SLC37A1: variants seen among roughly 807,000 people sequenced by gnomAD.
SLC37A1 encodes solute carrier family 37 member 1.
Under a neutral mutation model 75.3 loss-of-function variants are expected in SLC37A1, and 49 were observed. The observed-to-expected ratio is 0.65, with a 90% CI of 0.52 to 0.83. SLC37A1 has a LOEUF of 0.83. SLC37A1 is among the 40% of genes least tolerant of loss of function. The probability of loss-of-function intolerance (pLI) is 0.00; values close to 1 mark genes in which losing one functional copy is unlikely to be tolerated. For synonymous variants in SLC37A1, 268 were observed against 292.1 expected (o/e 0.92, Z 0.84); for missense variants, 566 against 695.0 (o/e 0.81, Z 2.09).
chr21:42,502,506 T>C (rs909384923), intron 2 of SLC37A1: 1 of 152,250 alleles, frequency 6.6e-6, no homozygotes. Context: ...CTCGATTATT[T>C]GAGAAGATAA....
intron 10 of SLC37A1, among the ~76,000 whole-genome samples, chr21:42,556,580 G>C (rs1170947790): frequency 6.6e-6 from 1 of 152,232 alleles, no homozygotes; most frequent in Admixed American, 6.5e-5. Context: ...TTTTCTCTTT[G>C]AAAGTGTAAG....
intron 18 of SLC37A1, 55 bp downstream of exon 18, chr21:42,574,970 T>C: frequency 6.2e-7 from 1 of 1,608,012 alleles, no homozygotes; most frequent in Non-Finnish European, 8.5e-7. Context: ...TCTGTGGTTG[T>C]GTCCAAACAC....
intron 17 of SLC37A1, among the ~76,000 whole-genome samples, chr21:42,569,585 TATC>T (rs1038093296): frequency 1.1e-4 from 16 of 151,284 alleles, no homozygotes; most frequent in Middle Eastern, 3.4e-3. Context: ...TTTGCCCAGA[TATC>T]ATCCTCTCAG....
At chr21:42,551,450 G>GAAGAA (rs1256306904) in intron 9 of SLC37A1, among the ~76,000 whole-genome samples, 3 of 152,228 alleles carry the variant, frequency 2.0e-5, no homozygotes, top group African/African-American at 7.2e-5. Flanking sequence ...ACTAGGGTGG[G>GAAGAA]AAGAAAGGGG....
chr21:42,516,133 G>T (rs1337618471), intron 1 of SLC37A1, among the ~76,000 whole-genome samples: 1 of 152,158 alleles, frequency 6.6e-6, no homozygotes, highest in Non-Finnish European at 1.5e-5. Flanking sequence ...TAAGTTCCAG[G>T]GGGGCCTGTA....
Position 42,547,266 on chromosome 21 carries a change from AC to A in SLC37A1, c.768+127del. The A allele has an allele frequency of 1.0e-6, 1 of 995,874 alleles. No homozygotes were observed. Among genetic ancestry groups the A allele is most frequent in the South Asian group, 1.4e-5 (1 of 71,878 alleles). 61.7% of individuals were successfully genotyped at this position (995,874 alleles called of 1,614,324 possible). ...GGTAGACAGAAGTCCCACCCTCAAAACATTGGCAGTTCTAGGAATAGAGAAT... is the reference window on the plus strand; with the variant it reads ...GGTAGACAGAAGTCCCACCCTCAAAAATTGGCAGTTCTAGGAATAGAGAAT... On this transcript the variant is annotated intron_variant, in intron 9 of 19. Coordinates refer to ENST00000352133, the MANE Select transcript of SLC37A1 (RefSeq NM_001320537.2). The surrounding 1 kb of genome is among the most constrained non-coding windows in gnomAD (Gnocchi z 6.1).
chr21:42,573,208 G>C (rs1229470078), intron 17 of SLC37A1, among the ~76,000 whole-genome samples: 1 of 152,208 alleles, frequency 6.6e-6, no homozygotes, highest in East Asian at 1.9e-4. Context: ...GTGAGGATGA[G>C]AAAAGAGACC....
intron 3 of SLC37A1, among the ~76,000 whole-genome samples, chr21:42,530,597 C>T (rs1372649696): frequency 1.5e-4 from 3 of 19,782 alleles, no homozygotes; most frequent in African/African-American, 5.8e-4. Context: ...GCAGATGATA[C>T]ACACACACAC....
intron 17 of SLC37A1, among the ~76,000 whole-genome samples, chr21:42,573,969 A>G (rs79216143): frequency 1.5e-4 from 22 of 151,594 alleles, no homozygotes; most frequent in African/African-American, 5.1e-4. Flanking sequence ...TTGCAGAAAT[A>G]GTACAAAGAA....
chr21:42,557,207 C>G (rs2055713091), intron 10 of SLC37A1, among the ~76,000 whole-genome samples: 2 of 152,236 alleles, frequency 1.3e-5, no homozygotes, highest in African/African-American at 4.8e-5. Flanking sequence ...ACTGCTGAGC[C>G]TGTTTCCTGC....
intron 7 of SLC37A1, 56 bp from the exon 8 acceptor site, chr21:42,543,380 G>A (rs1008928673): frequency 1.5e-4 from 239 of 1,608,592 alleles, no homozygotes; most frequent in Non-Finnish European, 1.9e-4. Context: ...CTGCACTGCT[G>A]GACTCGTTTC....
chr21:42,528,685 C>G (rs943965309), intron 3 of SLC37A1, among the ~76,000 whole-genome samples: 1 of 152,098 alleles, frequency 6.6e-6, no homozygotes, highest in African/African-American at 2.4e-5. Context: ...AAAAATTAAC[C>G]AGGCATGGTG....
In SLC37A1 at chr21:42,559,033, G is replaced by C. The variant is rs757234787; in HGVS notation, c.925G>C (p.Gly309Arg). The change falls in exon 11 of 20, where the codon GGG (glycine) becomes CGG (arginine). Residue 309 changes from glycine to arginine, a missense_variant. By Grantham distance (125) the Gly-to-Arg change is moderately radical. Coordinates refer to ENST00000352133, the MANE Select transcript of SLC37A1 (RefSeq NM_001320537.2). ...IHPNHVVILP[G>R]DGGSGTAAIS... The stretch of plus-strand genomic sequence containing the variant: ...CCCGAACCACGTCGTCATTCTCCCC[G>C]GGGACGGTGGGAGTGGCACGGCCGC... 2 of 1,613,618 alleles carry C rather than the reference G, an allele frequency of 1.2e-6. No individual in the cohort carries two copies. The highest frequency in any genetic ancestry group is 4.5e-5 in the East Asian group (2 of 44,816).
chr21:42,529,009 A>C (rs1188639899), intron 3 of SLC37A1, among the ~76,000 whole-genome samples: 2 of 152,194 alleles, frequency 1.3e-5, no homozygotes, highest in Non-Finnish European at 2.9e-5. Flanking sequence ...ATTGAATAAA[A>C]TAATCTTAAA....
At position 42,564,724 on chromosome 21, in the gene SLC37A1, T is replaced by C. The variant is rs578198958; in HGVS notation, c.1152T>C (p.Gly384=). 3.7e-6 allele frequency: 6 copies of C among 1,611,156 alleles called. No individual in the cohort carries two copies. In the South Asian group the frequency reaches 6.6e-5, roughly 18 times the overall value. Residue 384 remains glycine, a synonymous_variant, in exon 14 of 20, where the codon GGT becomes GGC. Transcript: ENST00000352133. ...CCGTTGCAGGTGGGATCCTGGCAGG[T>C]GTGATCTCAGACCGACTGGAGAAAA... The part of the protein sequence containing the change: ...VGGIFGGILA[G]VISDRLEKRA...
chr21:42,504,629 A>C (rs1357478192), intron 2 of SLC37A1, among the ~76,000 whole-genome samples: 3 of 152,216 alleles, frequency 2.0e-5, no homozygotes, highest in African/African-American at 7.2e-5. Flanking sequence ...ACCCTGCAAG[A>C]CAGGCGTCTT....
At chr21:42,502,858 T>C (rs1467073779) in intron 2 of SLC37A1, 1 of 152,176 alleles carries the variant, frequency 6.6e-6, no homozygotes, top group Admixed American at 6.5e-5. Flanking sequence ...ACTTGACACA[T>C]ACCAGATGCT....
chr21:42,542,497 C>G lies in SLC37A1; in HGVS notation c.563+17C>G. ...AAAAGGAAGGTGAGAAAAAGCAGCCCTGTTTCCAATAGCAGATGAAAACTA... is the reference window on the plus strand; with the variant it reads ...AAAAGGAAGGTGAGAAAAAGCAGCCGTGTTTCCAATAGCAGATGAAAACTA... On this transcript the variant is annotated intron_variant, in intron 7 of 19. Coordinates refer to ENST00000352133, the MANE Select transcript of SLC37A1 (RefSeq NM_001320537.2). The G allele has an allele frequency of 1.2e-6, 2 of 1,613,670 alleles. No individual in the cohort carries two copies. The highest frequency in any genetic ancestry group is 1.7e-6 in the Non-Finnish European group (2 of 1,179,666).
intron 6 of SLC37A1, among the ~76,000 whole-genome samples, chr21:42,540,219 C>G (rs1258833111): frequency 6.6e-6 from 1 of 152,242 alleles, no homozygotes; most frequent in Non-Finnish European, 1.5e-5. Context: ...GGGCGTTCCA[C>G]CTAGGTCTGT....
Sources: gnomAD v4.1 joint callset for allele counts (sites outside exome capture counted in the v4.1 genomes callset) on GRCh38, gnomAD v4.1.1 for gene constraint, Gnocchi (gnomAD v3.1) non-coding constraint, MANE v1.5 for transcripts, NCBI Gene and HGNC (gene_info 2026-07-23, HGNC 2026-07-21) for gene names.